The following CSMD1 variants were observed in gnomAD, a reference collection of about 807,000 sequenced individuals.
CSMD1 encodes the protein CUB and Sushi multiple domains 1.
In CSMD1, 213 loss-of-function variants were observed where a neutral mutation model predicts 417.5. The observed-to-expected ratio is 0.51, with a 90% CI of 0.46 to 0.57. The LOEUF (loss-of-function observed/expected upper bound fraction) is 0.57. Among genes scored for constraint, CSMD1 ranks in the 20% least tolerant of loss-of-function variants. CSMD1 has a pLI of 0.00. For synonymous variants in CSMD1, 2,862 were observed against 1,736.8 expected (o/e 1.65, Z -16.11); for missense variants, 6,923 against 4,529.7 (o/e 1.53, Z -15.17).
At chr8:3,371,793 T>A (rs1324424804) in intron 18 of CSMD1, among the ~76,000 whole-genome samples, 2 of 152,234 alleles carry the variant, frequency 1.3e-5, no homozygotes, top group Admixed American at 1.3e-4. Flanking sequence ...AGAAAATTTT[T>A]AAAATAATTT....
At position 3,409,521 on chromosome 8, in the gene CSMD1, AGT is replaced by A. The variant is rs1563358206; in HGVS notation, c.1644_1645del (p.Leu549HisfsTer3). 1 of 1,611,368 alleles carries A rather than the reference AGT, an allele frequency of 6.2e-7. No individual in the cohort carries two copies. Among genetic ancestry groups the A allele is most frequent in the Admixed American group, 1.7e-5 (1 of 59,690 alleles). Reference sequence around the variant, plus strand: ...AAAGGCCGCCGGGCATTCAAAGGTGAGTGTATCTCCATGGAGGAAACTGCTGC... The same window carrying A: ...AAAGGCCGCCGGGCATTCAAAGGTGAGTATCTCCATGGAGGAAACTGCTGC... On this transcript the variant is annotated frameshift_variant, in exon 13 of 70. Transcript: ENST00000635120. LOFTEE classifies it high-confidence loss of function.
At chr8:3,299,732 A>T (rs1283554967) in intron 25 of CSMD1, among the ~76,000 whole-genome samples, 2 of 152,204 alleles carry the variant, frequency 1.3e-5, no homozygotes, top group African/African-American at 4.8e-5. Context: ...TCACTAACCA[A>T]ATGTATTCAC....
intron 26 of CSMD1, among the ~76,000 whole-genome samples, chr8:3,250,384 G>A (rs1310136438): frequency 1.3e-5 from 2 of 152,212 alleles, no homozygotes; most frequent in Non-Finnish European, 2.9e-5. Flanking sequence ...CAAAGGACAT[G>A]AACTCATTAT....
At chr8:3,595,758 T>C (rs1801061102) in intron 8 of CSMD1, among the ~76,000 whole-genome samples, 1 of 152,218 alleles carries the variant, frequency 6.6e-6, no homozygotes, top group South Asian at 2.1e-4. Flanking sequence ...AAACCTGCCA[T>C]TTGCTAAACA....
intron 6 of CSMD1, among the ~76,000 whole-genome samples, chr8:3,710,760 G>C (rs551482650): frequency 5.9e-5 from 9 of 152,294 alleles, no homozygotes; most frequent in African/African-American, 1.9e-4. Flanking sequence ...ATCTGAGATA[G>C]GAATTATGAC....
chr8:4,665,289 T>A (rs1440488667), intron 1 of CSMD1, among the ~76,000 whole-genome samples: 2 of 152,218 alleles, frequency 1.3e-5, no homozygotes, highest in African/African-American at 2.4e-5. Context: ...TTCTCTCAGA[T>A]TGGCCTTCCT....
At chr8:3,198,582 T>C (rs547615829) in intron 33 of CSMD1, among the ~76,000 whole-genome samples, 1 of 152,352 alleles carries the variant, frequency 6.6e-6, no homozygotes, top group South Asian at 2.1e-4. Context: ...GAGAGATCTT[T>C]GTCTCCTGAT....
chr8:4,133,503 C>A (rs1230884526), intron 3 of CSMD1, among the ~76,000 whole-genome samples: 4 of 152,162 alleles, frequency 2.6e-5, no homozygotes, highest in Admixed American at 1.3e-4. Flanking sequence ...GCCTGCCCTG[C>A]AATTATTCCT....
At chr8:4,533,961 T>C (rs1271869399) in intron 2 of CSMD1, among the ~76,000 whole-genome samples, 1 of 149,570 alleles carries the variant, frequency 6.7e-6, no homozygotes, top group East Asian at 1.9e-4. Flanking sequence ...TATATATAAA[T>C]ATAAAATACA....
Position 3,158,349 on chromosome 8 carries a change from G to A in CSMD1, c.5845-383C>T, listed in dbSNP as rs543683058. ...TGAAAACAATTAGAAAGTACTAGGT[G>A]GTGATTAAAAGGCCAAAATGTCAGC... On this transcript the variant is annotated intron_variant, in intron 38 of 69. Coordinates refer to ENST00000635120, the MANE Select transcript of CSMD1 (RefSeq NM_033225.6). Among the ~76,000 whole-genome samples, 9 of 152,130 alleles carry A rather than the reference G, an allele frequency of 5.9e-5. No homozygotes were observed. The East Asian group carries it at 7.8e-4, about 13-fold the overall frequency.
At chr8:4,846,090 G>T (rs868836141) in intron 1 of CSMD1, among the ~76,000 whole-genome samples, 1 of 152,146 alleles carries the variant, frequency 6.6e-6, no homozygotes, top group African/African-American at 2.4e-5. Flanking sequence ...TCAAACAGTT[G>T]CAGGAGTTAG....
intron 42 of CSMD1, among the ~76,000 whole-genome samples, chr8:3,112,491 G>T (rs898514): frequency 6.6e-6 from 1 of 152,332 alleles, no homozygotes; most frequent in East Asian, 1.9e-4. Context: ...CCTGATTCCA[G>T]TATTATTTAT....
At chr8:2,944,860 G>A (rs1012169706) in intron 68 of CSMD1, among the ~76,000 whole-genome samples, 2 of 150,888 alleles carry the variant, frequency 1.3e-5, no homozygotes, top group African/African-American at 4.9e-5. Context: ...TTTTTAATCT[G>A]AAAACAAAGC....
intron 7 of CSMD1, among the ~76,000 whole-genome samples, chr8:3,668,454 G>C (rs926683261): frequency 3.3e-5 from 5 of 152,112 alleles, no homozygotes; most frequent in Non-Finnish European, 5.9e-5. Flanking sequence ...GTTTATTCAG[G>C]TGGAGAGATG....
rs540441352 is a variant in CSMD1 at position 3,642,869 on chromosome 8, C to CAT, written c.1010-26074_1010-26073dup. The stretch of plus-strand genomic sequence containing the variant: ...TGTGTATATCTATATATAGATTATA[C>CAT]ATATATATAGATTATACATACACAC... On this transcript the variant is annotated intron_variant, in intron 7 of 69. Coordinates refer to ENST00000635120, the MANE Select transcript of CSMD1 (RefSeq NM_033225.6). 3.5e-3 allele frequency among the ~76,000 whole-genome samples: 531 copies of CAT among 151,440 alleles called. 4 individuals carry two copies. Among genetic ancestry groups the CAT allele is most frequent in the Middle Eastern group, 0.01 (3 of 292 alleles).
Position 4,852,967 on chromosome 8 carries a change from T to G in CSMD1, c.85+141365A>C, listed in dbSNP as rs1389679774. Among the ~76,000 whole-genome samples, 3 of 152,222 alleles carry G rather than the reference T, an allele frequency of 2.0e-5. No homozygotes were observed. In the East Asian group the frequency reaches 5.8e-4, roughly 29 times the overall value. On this transcript the variant is annotated intron_variant, in intron 1 of 69. Transcript: ENST00000635120. ...TTTCTAAGCAGCAATGCATTCATGA[T>G]GTGGCCTGGCTGCTTATAACAGTCT...
intron 2 of CSMD1, among the ~76,000 whole-genome samples, chr8:4,465,552 A>C (rs1294924922): frequency 6.6e-6 from 1 of 152,168 alleles, no homozygotes; most frequent in Non-Finnish European, 1.5e-5. Context: ...TCAGAATGGA[A>C]GTCAAGTAAA....
intron 2 of CSMD1, among the ~76,000 whole-genome samples, chr8:4,427,416 C>G (rs1227037770): frequency 6.6e-6 from 1 of 151,918 alleles, no homozygotes; most frequent in African/African-American, 2.4e-5. Context: ...GGTCATAGAA[C>G]TCTCTTGGAC....
At chr8:4,957,849 T>A (rs1187118178) in intron 1 of CSMD1, among the ~76,000 whole-genome samples, 2 of 152,216 alleles carry the variant, frequency 1.3e-5, no homozygotes, top group African/African-American at 2.4e-5. Context: ...ACTCAGCTCC[T>A]GCAGTCACTC....
Sources: allele counts gnomAD v4.1 joint callset (sites outside exome capture counted in the v4.1 genomes callset), GRCh38; gene constraint gnomAD v4.1.1; transcripts MANE v1.5; gene names NCBI Gene and HGNC (gene_info 2026-07-23, HGNC 2026-07-21).